Variants in FGF13 observed in about 807,000 individuals in gnomAD.
The protein encoded by FGF13 is fibroblast growth factor 13.
Under a neutral mutation model 19.5 loss-of-function variants are expected in FGF13, and 2 were observed. The ratio of observed to expected loss-of-function variants is 0.10; its 90% CI spans 0.04 to 0.32. The LOEUF (loss-of-function observed/expected upper bound fraction) is 0.32. FGF13 is among the 10% of genes least tolerant of loss of function. The pLI is 1.00. For missense variants in FGF13, 113 were observed against 192.7 expected (o/e 0.59, Z 2.45); for synonymous variants, 72 against 76.9 (o/e 0.94, Z 0.33).
intron 1 of FGF13, among the ~76,000 whole-genome samples, chrX:139,097,562 G>A (rs779826501): frequency 1.8e-5 from 2 of 111,211 alleles, no homozygotes; most frequent in South Asian, 7.5e-4. Context: ...CAAAAAAAAA[G>A]GGTTAAAGGA....
At chrX:138,953,414 C>G (rs986589225) in intron 1 of FGF13, among the ~76,000 whole-genome samples, 8 of 109,324 alleles carry the variant, frequency 7.3e-5, no homozygotes, top group African/African-American at 1.0e-4. Context: ...AACATCACAC[C>G]CCGGGGCCTG....
chrX:139,039,002 C>T (rs747006556), intron 1 of FGF13, among the ~76,000 whole-genome samples: 47 of 112,099 alleles, frequency 4.2e-4, no homozygotes, highest in African/African-American at 1.5e-3. Flanking sequence ...GAAAGGGAAG[C>T]CCATATTCAG....
chrX:139,150,379 G>T (rs894314598), intron 1 of FGF13, among the ~76,000 whole-genome samples: 4 of 112,030 alleles, frequency 3.6e-5, no homozygotes, highest in Non-Finnish European at 3.8e-5. Context: ...ATTTTAAAAA[G>T]ACACTACTAA....
chrX:138,816,226 C>T (rs747704385), intron 3 of FGF13, among the ~76,000 whole-genome samples: 5 of 111,172 alleles, frequency 4.5e-5, no homozygotes, highest in African/African-American at 1.6e-4. Flanking sequence ...ATGGCTTTTA[C>T]GTTTATGAAA....
intron 1 of FGF13, among the ~76,000 whole-genome samples, chrX:139,034,589 C>A (rs2092244424): frequency 1.8e-5 from 2 of 111,124 alleles, no homozygotes; most frequent in African/African-American, 6.5e-5. Context: ...GTGTCTGGAG[C>A]CCAGCAGGAA....
At chrX:139,134,517 C>CCCTTGCATCA (rs2083784618) in intron 1 of FGF13, among the ~76,000 whole-genome samples, 1 of 111,120 alleles carries the variant, frequency 9.0e-6, no homozygotes, top group South Asian at 3.9e-4. Flanking sequence ...TACACCCCGT[C>CCCTTGCATCA]CCTTGCATCA....
intron 3 of FGF13, among the ~76,000 whole-genome samples, chrX:138,805,607 A>C (rs1490667275): frequency 8.9e-6 from 1 of 112,118 alleles, no homozygotes; most frequent in Non-Finnish European, 1.9e-5. Flanking sequence ...TGCATAATTC[A>C]AAAAAGCATA....
chrX:138,852,705 G>C (rs1455737101), downstream of FGF13, among the ~76,000 whole-genome samples: 1 of 111,742 alleles, frequency 8.9e-6, no homozygotes, highest in Admixed American at 9.5e-5. Flanking sequence ...ATTGACAAAT[G>C]GGATTTAATT....
At chrX:138,801,606 A>C (rs2090829902) in intron 3 of FGF13, among the ~76,000 whole-genome samples, 1 of 112,049 alleles carries the variant, frequency 8.9e-6, no homozygotes, top group Non-Finnish European at 1.9e-5. Flanking sequence ...GCAGAGCTCG[A>C]GCACTGTACT....
At chrX:139,016,242 G>C (rs900094341) in intron 1 of FGF13, among the ~76,000 whole-genome samples, 3 of 111,878 alleles carry the variant, frequency 2.7e-5, no homozygotes, top group African/African-American at 9.7e-5. Context: ...CTAGGAAGGA[G>C]TTCAAAATAA....
chrX:139,071,718 T>C lies in FGF13; in HGVS notation c.-113+131698A>G, dbSNP rs1045204469. On this transcript the variant is annotated intron_variant, in intron 1 of 2. Coordinates refer to the FGF13 transcript ENST00000421460. ...TCATAGAATTTCTCCAGCTTTTTCA[T>C]CTCAAAATGCCTTTATTGGCTGGAT... 2.7e-5 allele frequency among the ~76,000 whole-genome samples: 3 copies of C among 110,980 alleles called. No individual in the cohort carries two copies. The Admixed American group carries it at 2.9e-4, about 11-fold the overall frequency.
rs547903780 is a variant in FGF13 at position 138,822,590 on chromosome X, G to C, written c.217+34922C>G. 6.4e-4 allele frequency among the ~76,000 whole-genome samples: 72 copies of C among 112,140 alleles called. No individual in the cohort carries two copies. In the South Asian group the frequency reaches 0.026, roughly 41 times the overall value. On this transcript the variant is annotated intron_variant, in intron 3 of 6. Coordinates refer to the FGF13 transcript ENST00000436198. Reference sequence around the variant, plus strand: ...CACACTTAAACTTGGAAGGGCAAGTGGACAGAGTTATTACTGAAACTTACA... The same window carrying C: ...CACACTTAAACTTGGAAGGGCAAGTCGACAGAGTTATTACTGAAACTTACA...
chrX:139,145,846 C>T (rs926571137), intron 1 of FGF13, among the ~76,000 whole-genome samples: 5 of 111,745 alleles, frequency 4.5e-5, no homozygotes, highest in Non-Finnish European at 7.5e-5. Flanking sequence ...GTGAGAGCAG[C>T]GGGGGCACAT....
intron 2 of FGF13, among the ~76,000 whole-genome samples, chrX:138,863,451 T>C (rs983629287): frequency 1.8e-5 from 2 of 112,052 alleles, no homozygotes; most frequent in African/African-American, 6.5e-5. Flanking sequence ...TTGGTTATTA[T>C]CATGGGCCTT....
At chrX:138,903,118 CCA>C (rs1326705479) in intron 1 of FGF13, among the ~76,000 whole-genome samples, 1 of 111,604 alleles carries the variant, frequency 9.0e-6, no homozygotes, top group African/African-American at 3.3e-5. Flanking sequence ...TTCTAAATTC[CCA>C]TTACTGAATA....
At chrX:138,927,243 T>C (rs1295016689) in intron 1 of FGF13, among the ~76,000 whole-genome samples, 1 of 112,083 alleles carries the variant, frequency 8.9e-6, no homozygotes, top group Non-Finnish European at 1.9e-5. Flanking sequence ...GTAACTTTTA[T>C]TGTTACAACC....
chrX:138,857,369 C>T (rs756679624), downstream of FGF13: 7 of 509,618 alleles, frequency 1.4e-5, no homozygotes, highest in Middle Eastern at 6.2e-4. Flanking sequence ...ATAACACTTT[C>T]ACCAGCCAGC....
At chrX:139,108,638 T>C (rs2083576990) in intron 1 of FGF13, among the ~76,000 whole-genome samples, 1 of 111,278 alleles carries the variant, frequency 9.0e-6, no homozygotes, top group South Asian at 3.8e-4. Flanking sequence ...TCATTCTGTG[T>C]TGTATGCATG....
rs186376855 is a variant in FGF13, at chrX:138,885,341, C to T, written c.-112-20691G>A. On this transcript the variant is annotated intron_variant, in intron 1 of 2. Coordinates refer to the FGF13 transcript ENST00000421460. ...GAGCCAGTCATTGGCTGTGGGCTGC[C>T]CCCAGTGCTTCTGCTATAGAGAAGG... is the stretch of plus-strand genomic sequence containing the variant. Among the ~76,000 whole-genome samples, 228 of 111,493 alleles carry T rather than the reference C, an allele frequency of 2.0e-3. 1 individual carries two copies. The highest frequency in any genetic ancestry group is 4.2e-3 in the South Asian group (11 of 2,642).
Sources: allele counts gnomAD v4.1 joint callset (sites outside exome capture counted in the v4.1 genomes callset), GRCh38; gene constraint gnomAD v4.1.1; transcripts MANE v1.5; gene names NCBI Gene and HGNC (gene_info 2026-07-23, HGNC 2026-07-21).